Variants in STOX2 observed in about 807,000 individuals in gnomAD.
STOX2 encodes storkhead-box protein 2.
Under a neutral mutation model 60.9 loss-of-function variants are expected in STOX2, and 28 were observed. The observed-to-expected ratio is 0.46, with a 90% CI of 0.34 to 0.63. STOX2 has a LOEUF of 0.63. Among genes scored for constraint, STOX2 ranks in the 30% least tolerant of loss-of-function variants. The pLI is 0.01. For missense variants in STOX2, 1,024 were observed against 1,187.7 expected (o/e 0.86, Z 2.03); for synonymous variants, 472 against 463.9 (o/e 1.02, Z -0.22).
chr4:183,840,342 T>C (rs1405131681), intron 1 of STOX2, among the ~76,000 whole-genome samples: 8 of 152,228 alleles, frequency 5.3e-5, no homozygotes, highest in African/African-American at 9.6e-5. Context: ...TCTTTGTCCA[T>C]GTAACAGTCA....
intron 1 of STOX2, among the ~76,000 whole-genome samples, chr4:183,840,798 A>G (rs1411448098): frequency 3.3e-5 from 5 of 152,228 alleles, no homozygotes; most frequent in African/African-American, 7.2e-5. Context: ...AAAAAAGTTC[A>G]GTGATGTGGT....
chr4:183,848,953 G>A (rs1740047478), intron 1 of STOX2, among the ~76,000 whole-genome samples: 1 of 152,164 alleles, frequency 6.6e-6, no homozygotes, highest in Non-Finnish European at 1.5e-5. Context: ...TTGCCTCGTG[G>A]GAGTTTAGGT....
At chr4:183,852,733 A>C (rs1164834520) in intron 1 of STOX2, among the ~76,000 whole-genome samples, 1 of 152,188 alleles carries the variant, frequency 6.6e-6, no homozygotes, top group African/African-American at 2.4e-5. Context: ...TTAATAAGGA[A>C]GAGGAAATTA....
chr4:183,983,933 C>T (rs1047074911), intron 1 of STOX2, among the ~76,000 whole-genome samples: 8 of 152,144 alleles, frequency 5.3e-5, no homozygotes, highest in Admixed American at 2.0e-4. Flanking sequence ...CATGAGCCAC[C>T]GTGCGCCATG....
At chr4:183,950,684 A>G (rs934677469) in intron 1 of STOX2, among the ~76,000 whole-genome samples, 22 of 200 alleles carry the variant, frequency 0.11, no homozygotes, top group African/African-American at 0.23. Flanking sequence ...GAGGCCGGGG[A>G]GCCACAGAAC....
chr4:183,962,638 T>A (rs774653996), intron 1 of STOX2, among the ~76,000 whole-genome samples: 2 of 152,230 alleles, frequency 1.3e-5, no homozygotes, highest in Non-Finnish European at 2.9e-5. Context: ...TGAAGCCTGA[T>A]GCTTAGAGAT....
chr4:183,947,424 T>A (rs1742928715), intron 1 of STOX2, among the ~76,000 whole-genome samples: 1 of 152,150 alleles, frequency 6.6e-6, no homozygotes, highest in African/African-American at 2.4e-5. Context: ...GGGGCTGTCC[T>A]TTGCTTCTCA....
chr4:183,912,956 G>A (rs909819512), intron 1 of STOX2, among the ~76,000 whole-genome samples: 20 of 152,208 alleles, frequency 1.3e-4, no homozygotes, highest in African/African-American at 4.8e-4. Flanking sequence ...GGACCAACAA[G>A]CTATGAGTGG....
chr4:183,941,909 T>G (rs554114174), intron 1 of STOX2, among the ~76,000 whole-genome samples: 8 of 152,204 alleles, frequency 5.3e-5, no homozygotes, highest in Non-Finnish European at 7.3e-5. Flanking sequence ...CATTTATCAC[T>G]TCATCATGCC....
intron 1 of STOX2, among the ~76,000 whole-genome samples, chr4:183,985,660 AT>A (rs914594579): frequency 2.6e-5 from 4 of 152,104 alleles, no homozygotes; most frequent in African/African-American, 4.8e-5. Context: ...GAGTATTTGG[AT>A]TTTTTTTCTT....
rs148356449 is a variant in STOX2, at chr4:183,808,991, A to G, written c.364+10936A>G. 1.6e-3 allele frequency among the ~76,000 whole-genome samples: 249 copies of G among 152,338 alleles called. 1 individual carries two copies. Among genetic ancestry groups the G allele is most frequent in the African/African-American group, 5.9e-3 (244 of 41,572 alleles). ...ATTGTTTTTCTAGGGGTAGTGATGA[A>G]TTTGTACTAAAGTTTTCATCTGTAC... On this transcript the variant is annotated intron_variant, in intron 1 of 2. Coordinates refer to the STOX2 transcript ENST00000513034.
intron 1 of STOX2, among the ~76,000 whole-genome samples, chr4:183,910,109 A>C (rs1741736499): frequency 6.6e-6 from 1 of 152,186 alleles, no homozygotes; most frequent in Non-Finnish European, 1.5e-5. Context: ...GTTCATCTTG[A>C]ATATTAATTT....
upstream of STOX2, among the ~76,000 whole-genome samples, chr4:183,901,597 ATTT>A (rs35480727): frequency 1.6e-4 from 23 of 140,364 alleles, no homozygotes; most frequent in African/African-American, 4.1e-4. Flanking sequence ...GTTTTTGGGT[ATTT>A]TTTTTTTTTT....
intron 1 of STOX2, among the ~76,000 whole-genome samples, chr4:183,876,969 G>A (rs1386668965): frequency 2.0e-5 from 3 of 152,184 alleles, no homozygotes; most frequent in Non-Finnish European, 2.9e-5. Context: ...GTTGGGGAGG[G>A]TCTTGGAGAA....
At chr4:183,912,676 A>T (rs1390179275) in intron 1 of STOX2, among the ~76,000 whole-genome samples, 1 of 152,010 alleles carries the variant, frequency 6.6e-6, no homozygotes, top group Non-Finnish European at 1.5e-5. Flanking sequence ...CGAGTTTACA[A>T]CCCATGTGTG....
intron 1 of STOX2, among the ~76,000 whole-genome samples, chr4:183,892,809 C>A (rs568866044): frequency 6.6e-6 from 1 of 151,616 alleles, no homozygotes; most frequent in East Asian, 1.9e-4. Flanking sequence ...GGATATCACA[C>A]GAGCAACTGT....
Position 183,906,677 on chromosome 4 carries a change from G to A in STOX2, c.-114G>A. 1 of 1,210,964 alleles carries A rather than the reference G, an allele frequency of 8.3e-7. No homozygotes were observed. The highest frequency in any genetic ancestry group is 1.6e-5 in the South Asian group (1 of 61,448). 75.0% of individuals were successfully genotyped at this position (1,210,964 alleles called of 1,614,324 possible). A position where few individuals can be genotyped will look rare whatever the true frequency, so the allele number is the denominator to read the frequency against. ...TGTAGACGCCGACGAGGAGGGGCTGGGAAAATGTGCGCAGAGTCCGCCCGG... is the reference window on the plus strand; with the variant it reads ...TGTAGACGCCGACGAGGAGGGGCTGAGAAAATGTGCGCAGAGTCCGCCCGG... On this transcript the variant is annotated 5_prime_UTR_variant, in exon 1 of 4. Coordinates refer to ENST00000308497, the MANE Select transcript of STOX2 (RefSeq NM_020225.3).
At position 183,815,340 on chromosome 4, in the gene STOX2, T is replaced by G. The variant is rs112430100; in HGVS notation, c.364+17285T>G. ...AGATGCATAAGTGGGGAAATGGAAT[T>G]GTAGTCAAAAGAGGCTTAATCTTAG... On this transcript the variant is annotated intron_variant, in intron 1 of 2. Coordinates refer to the STOX2 transcript ENST00000513034. 9.7e-3 allele frequency among the ~76,000 whole-genome samples: 1,473 copies of G among 152,198 alleles called. 28 individuals carry two copies. Among genetic ancestry groups the G allele is most frequent in the African/African-American group, 0.033 (1,385 of 41,502 alleles).
chr4:184,004,532 C>T (rs946715649), intron 2 of STOX2, among the ~76,000 whole-genome samples: 5 of 152,116 alleles, frequency 3.3e-5, no homozygotes, highest in African/African-American at 9.6e-5. Flanking sequence ...CCCGGGAGGC[C>T]GAGCTTGCAG....
Sources: allele counts gnomAD v4.1 joint callset (sites outside exome capture counted in the v4.1 genomes callset), GRCh38; gene constraint gnomAD v4.1.1; transcripts MANE v1.5; gene names NCBI Gene and HGNC (gene_info 2026-07-23, HGNC 2026-07-21).